DMXL1: variants seen among roughly 807,000 people sequenced by gnomAD.
The protein encoded by DMXL1 is Dmx like 1.
Under a neutral mutation model 319.2 loss-of-function variants are expected in DMXL1, and 99 were observed. The observed-to-expected ratio is 0.31, with a 90% CI of 0.26 to 0.37. The LOEUF (loss-of-function observed/expected upper bound fraction) is 0.37, where lower values mean the gene tolerates loss of function less well. Among genes scored for constraint, DMXL1 ranks in the 10% least tolerant of loss-of-function variants. DMXL1 has a pLI of 1.00. For missense variants in DMXL1, 3,745 were observed against 3,595.6 expected, an observed-to-expected ratio of 1.04 and a Z score of -1.06; for synonymous variants, 1,385 against 1,235.2, an observed-to-expected ratio of 1.12 and a Z score of -2.54.
intron 1 of DMXL1, among the ~76,000 whole-genome samples, chr5:119,087,994 G>A (rs1031121324): frequency 1.3e-5 from 2 of 151,942 alleles, no homozygotes; most frequent in Non-Finnish European, 2.9e-5. Context: ...TAGAGACAGG[G>A]TTTCACCATG....
intron 42 of DMXL1, among the ~76,000 whole-genome samples, chr5:119,242,387 A>G (rs770421803): frequency 1.3e-5 from 2 of 152,242 alleles, no homozygotes; most frequent in East Asian, 1.9e-4. Context: ...ACCCAAAACA[A>G]TGAAATACTG....
chr5:119,099,242 G>A (rs995972870), intron 2 of DMXL1, among the ~76,000 whole-genome samples: 3 of 151,246 alleles, frequency 2.0e-5, no homozygotes, highest in African/African-American at 4.9e-5. Context: ...ATGGAGTCTC[G>A]CTTTGTTGCC....
At chr5:119,143,282 G>C (rs1350731567) in intron 13 of DMXL1, among the ~76,000 whole-genome samples, 1 of 151,950 alleles carries the variant, frequency 6.6e-6, no homozygotes, top group Non-Finnish European at 1.5e-5. Context: ...ATACAAGGGT[G>C]AATGTGGTGT....
intron 4 of DMXL1, among the ~76,000 whole-genome samples, chr5:119,109,583 A>T (rs1314502968): frequency 6.6e-6 from 1 of 152,206 alleles, no homozygotes; most frequent in Non-Finnish European, 1.5e-5. Context: ...GTTAACCTAT[A>T]CCAGATTAAG....
In DMXL1 at chr5:119,071,416, C is replaced by G; in HGVS notation, c.-154C>G. 1.4e-6 allele frequency: 1 copy of G among 738,804 alleles called. No homozygotes were observed. Among genetic ancestry groups the G allele is most frequent in the Non-Finnish European group, 2.2e-6 (1 of 447,320 alleles). The allele number at this position is 738,804 out of a possible 1,614,324, so 45.8% of individuals were successfully genotyped here. On this transcript the variant is annotated 5_prime_UTR_variant, in exon 1 of 44. Transcript: ENST00000539542. ...CGGGGCTCGGGATGAGTCGCGGGCC[C>G]CAGCTGAGCGGCTCCGGCTCCAGGC...
Position 119,133,908 on chromosome 5 carries a change from A to C in DMXL1, c.1984A>C (p.Arg662=). Residue 662 remains arginine, a synonymous_variant, in exon 12 of 44, where the codon AGG becomes CGG. Coordinates refer to ENST00000539542, the MANE Select transcript of DMXL1 (RefSeq NM_001290321.3). ...LLTTSHHNAL[R]TPDVDNPEQP... ...GACAACATCACACCATAATGCATTA[A>C]GGACACCAGATGTTGATAACCCAGA... 1 of 1,614,198 alleles carries C rather than the reference A, an allele frequency of 6.2e-7. No individual in the cohort carries two copies. Among genetic ancestry groups the C allele is most frequent in the Non-Finnish European group, 8.5e-7 (1 of 1,180,034 alleles).
At chr5:119,241,534 CAAAAAA>C (rs35739845) in intron 42 of DMXL1, among the ~76,000 whole-genome samples, 4 of 57,566 alleles carry the variant, frequency 6.9e-5, no homozygotes, top group Admixed American at 5.8e-4. Flanking sequence ...GACTCCGTCT[CAAAAAA>C]AAAAAAAAAA....
chr5:119,081,445 C>T, intron 1 of DMXL1: 1 of 449,124 alleles, frequency 2.2e-6, no homozygotes, highest in Non-Finnish European at 2.9e-6. Flanking sequence ...GAGTCAGAAC[C>T]TTTTTAAAAT....
intron 1 of DMXL1, 101 bp downstream of exon 1, chr5:119,071,757 C>T (rs1749625411): frequency 8.9e-7 from 1 of 1,124,702 alleles, no homozygotes. Flanking sequence ...GAGGTCTTGT[C>T]TCCCCAGGGG....
Position 119,178,208 on chromosome 5 carries a change from C to T in DMXL1, c.7099C>T (p.Pro2367Ser). ...SAVFGGGAHV[P>S]SKEQTHSKTL... ...TGTGTTTGGTGGAGGTGCACATGTT[C>T]CTAGCAAAGAACAGACACATTCAAA... The change falls in exon 28 of 44, where the codon CCT (proline) becomes TCT (serine). Residue 2367 changes from proline (P) to serine (S), a missense_variant. Pro to Ser is a moderately conservative substitution (Grantham distance 74). Transcript: ENST00000539542. The T allele has an allele frequency of 6.2e-7, 1 of 1,613,746 alleles. No individual in the cohort carries two copies. Among genetic ancestry groups the T allele is most frequent in the Non-Finnish European group, 8.5e-7 (1 of 1,179,750 alleles).
At chr5:119,111,599 A>G (rs1208785240) in intron 5 of DMXL1, among the ~76,000 whole-genome samples, 1 of 152,182 alleles carries the variant, frequency 6.6e-6, no homozygotes, top group Non-Finnish European at 1.5e-5. Flanking sequence ...CTGGAAATGG[A>G]TAGGATAGGA....
intron 13 of DMXL1, among the ~76,000 whole-genome samples, chr5:119,136,529 A>G (rs541103376): frequency 7.9e-5 from 12 of 152,376 alleles, no homozygotes; most frequent in South Asian, 4.1e-4. Flanking sequence ...GGACATGTCA[A>G]AGATCTTCAT....
At chr5:119,099,174 G>C (rs1439929824) in intron 2 of DMXL1, among the ~76,000 whole-genome samples, 3 of 135,070 alleles carry the variant, frequency 2.2e-5, no homozygotes, top group Non-Finnish European at 4.6e-5. Context: ...GAAATCTTTG[G>C]GTTTTTTTTT....
At chr5:119,172,694 G>T (rs1774830698) in intron 25 of DMXL1, among the ~76,000 whole-genome samples, 1 of 151,950 alleles carries the variant, frequency 6.6e-6, no homozygotes, top group African/African-American at 2.4e-5. Context: ...ATCCTTTGAA[G>T]TATAACTGAC....
intron 34 of DMXL1, among the ~76,000 whole-genome samples, chr5:119,212,303 A>G (rs930492165): frequency 5.9e-5 from 9 of 152,214 alleles, no homozygotes; most frequent in South Asian, 2.1e-4. Flanking sequence ...ATGGAATTGT[A>G]TAATAGTTAT....
chr5:119,156,906 T>A (rs1353803982), intron 19 of DMXL1, among the ~76,000 whole-genome samples: 1 of 152,170 alleles, frequency 6.6e-6, no homozygotes, highest in African/African-American at 2.4e-5. Context: ...TGGCTTTAAT[T>A]TGCATTTTCC....
intron 4 of DMXL1, among the ~76,000 whole-genome samples, chr5:119,109,376 T>C (rs1327346204): frequency 6.6e-6 from 1 of 152,152 alleles, no homozygotes; most frequent in Non-Finnish European, 1.5e-5. Context: ...CTCTTCCAGT[T>C]AAGCCCTCTT....
chr5:119,207,430 T>C lies in DMXL1; in HGVS notation c.7926+534T>C, dbSNP rs185093528. 3.2e-4 allele frequency among the ~76,000 whole-genome samples: 49 copies of C among 152,318 alleles called. No individual in the cohort carries two copies. In the East Asian group the frequency reaches 5.8e-3, roughly 18 times the overall value. On this transcript the variant is annotated intron_variant, in intron 34 of 43. Coordinates refer to ENST00000539542, the MANE Select transcript of DMXL1 (RefSeq NM_001290321.3). Reference sequence around the variant, plus strand: ...GAGGATACATAGTAAGTACTCATGGTACTTGAGAACCAAAGCACAAAAGAT... The same window carrying C: ...GAGGATACATAGTAAGTACTCATGGCACTTGAGAACCAAAGCACAAAAGAT...
intron 38 of DMXL1, among the ~76,000 whole-genome samples, chr5:119,232,706 G>T (rs1786996423): frequency 6.6e-6 from 1 of 151,930 alleles, no homozygotes; most frequent in African/African-American, 2.4e-5. Context: ...CGGTGCAGTG[G>T]CACGTGCCTA....
Sources: gnomAD v4.1 joint callset for allele counts (sites outside exome capture counted in the v4.1 genomes callset) on GRCh38, gnomAD v4.1.1 for gene constraint, MANE v1.5 for transcripts, NCBI Gene and HGNC (gene_info 2026-07-23, HGNC 2026-07-21) for gene names.